PPP3CB: variants seen among roughly 807,000 people sequenced by gnomAD.
The protein encoded by PPP3CB is protein phosphatase 3 catalytic subunit beta.
Under a neutral mutation model 66.4 loss-of-function variants are expected in PPP3CB, and 8 were observed. That is an observed-to-expected ratio of 0.12 (90% CI 0.07 to 0.22). PPP3CB has a LOEUF of 0.22. PPP3CB is among the 10% of genes least tolerant of loss of function. The pLI, the probability that PPP3CB is intolerant of heterozygous loss-of-function variation, is 1.00. For synonymous variants in PPP3CB, 208 were observed against 221.2 expected, an observed-to-expected ratio of 0.94 and a Z score of 0.53; for missense variants, 319 against 642.5, an observed-to-expected ratio of 0.50 and a Z score of 5.44.
At chr10:73,468,405 G>A (rs1334483735) in intron 8 of PPP3CB, among the ~76,000 whole-genome samples, 1 of 152,114 alleles carries the variant, frequency 6.6e-6, no homozygotes, top group Admixed American at 6.5e-5. Context: ...TTATATTACT[G>A]TATAGAACAC....
chr10:73,475,414 G>A (rs2056770266), intron 3 of PPP3CB, among the ~76,000 whole-genome samples: 1 of 152,172 alleles, frequency 6.6e-6, no homozygotes, highest in Non-Finnish European at 1.5e-5. Flanking sequence ...AATATGTGAA[G>A]CACTATATAA....
At chr10:73,480,566 T>G (rs1390941260) in intron 1 of PPP3CB, among the ~76,000 whole-genome samples, 2 of 150,806 alleles carry the variant, frequency 1.3e-5, no homozygotes, top group Admixed American at 6.7e-5. Flanking sequence ...TGCCTCAGCC[T>G]CCCGAGTAGC....
At chr10:73,452,074 T>A (rs536209428) in intron 10 of PPP3CB, among the ~76,000 whole-genome samples, 2 of 150,520 alleles carry the variant, frequency 1.3e-5, no homozygotes, top group African/African-American at 5.0e-5. Context: ...AAAAAAAAAT[T>A]TAAAAAACCT....
At chr10:73,487,835 A>G (rs555965788) in intron 1 of PPP3CB, among the ~76,000 whole-genome samples, 5 of 149,638 alleles carry the variant, frequency 3.3e-5, no homozygotes, top group Admixed American at 1.3e-4. Flanking sequence ...GTTGGAGTGC[A>G]ATGGTGAGAT....
chr10:73,475,211 C>T (rs995013167), intron 3 of PPP3CB, among the ~76,000 whole-genome samples, 181 bp from the exon 4 acceptor site: 2 of 152,180 alleles, frequency 1.3e-5, no homozygotes, highest in African/African-American at 4.8e-5. Context: ...TGATTCTCCA[C>T]TCCCAGAAGA....
chr10:73,470,927 A>G lies in PPP3CB; in HGVS notation c.847T>C (p.Leu283=). The change falls in exon 7 of 14, where the codon TTG becomes CTG. Residue 283 remains leucine (L), a synonymous_variant. Transcript: ENST00000360663. ...TCATGAGCTCTAATAATCGATAACA[A>G]ATTATTGTTTTGCAAAAATTCACAC... ...AVCEFLQNNN[L]LSIIRAHEAQ... is the part of the protein sequence containing the mutation. 6.2e-7 allele frequency: 1 copy of G among 1,613,554 alleles called. No individual in the cohort carries two copies. The highest frequency in any genetic ancestry group is 8.5e-7 in the Non-Finnish European group (1 of 1,179,708).
At chr10:73,471,841 G>A (rs1589704986) in intron 4 of PPP3CB, among the ~76,000 whole-genome samples, 1 of 152,286 alleles carries the variant, frequency 6.6e-6, no homozygotes, top group Middle Eastern at 3.4e-3. Flanking sequence ...GTGGTGGCCA[G>A]GGCTTCAGAG....
intron 13 of PPP3CB, 120 bp downstream of exon 13, chr10:73,439,752 T>A: frequency 9.2e-7 from 1 of 1,089,538 alleles, no homozygotes; most frequent in Admixed American, 2.2e-5. Flanking sequence ...ACTTGATGAA[T>A]CAGTGAGTCT....
At chr10:73,476,389 G>A (rs1007811849) in intron 3 of PPP3CB, among the ~76,000 whole-genome samples, 3 of 152,156 alleles carry the variant, frequency 2.0e-5, no homozygotes, top group East Asian at 3.8e-4. Context: ...GGCCGAGGCA[G>A]GCAGATCACC....
intron 8 of PPP3CB, among the ~76,000 whole-genome samples, chr10:73,468,741 A>G (rs1372368477): frequency 1.3e-5 from 2 of 152,216 alleles, no homozygotes; most frequent in Non-Finnish European, 2.9e-5. Context: ...TACTAACTTA[A>G]TAAGTATATG....
rs546930537 is a variant in PPP3CB at position 73,446,526 on chromosome 10, T to A, written c.1234A>T (p.Ile412Phe). The change falls in exon 11 of 14, where the codon ATT becomes TTT. Residue 412 changes from isoleucine (I) to phenylalanine (F), a missense_variant. Coordinates refer to ENST00000360663, the MANE Select transcript of PPP3CB (RefSeq NM_021132.4). The part of the protein sequence containing the change: ...KEIIRNKIRA[I>F]GKMARVFSVL... The stretch of plus-strand genomic sequence containing the variant: ...GAGAAGACTCTTGCCATCTTGCCAA[T>A]TGCTCGAATTTTGTTTCTTATGATT... 6.2e-7 allele frequency: 1 copy of A among 1,613,738 alleles called. No individual in the cohort carries two copies. Among genetic ancestry groups the A allele is most frequent in the East Asian group, 2.2e-5 (1 of 44,888 alleles).
At chr10:73,445,818 A>C (rs1333319525) in intron 11 of PPP3CB, among the ~76,000 whole-genome samples, 1 of 148,840 alleles carries the variant, frequency 6.7e-6, no homozygotes, top group Non-Finnish European at 1.5e-5. Flanking sequence ...GCGTCATCTC[A>C]GATCACTGCA....
intron 10 of PPP3CB, among the ~76,000 whole-genome samples, chr10:73,447,921 A>C (rs1347089227): frequency 3.3e-5 from 5 of 151,702 alleles, no homozygotes; most frequent in Admixed American, 2.0e-4. Flanking sequence ...AAAAACCCCC[A>C]AAAACTAAAA....
At chr10:73,473,063 G>C (rs1427378529) in intron 4 of PPP3CB, among the ~76,000 whole-genome samples, 1 of 152,150 alleles carries the variant, frequency 6.6e-6, no homozygotes, top group African/African-American at 2.4e-5. Flanking sequence ...CTGGCAGTCT[G>C]CTAACGACTC....
At chr10:73,470,558 A>T in intron 8 of PPP3CB, 129 bp downstream of exon 8, 2 of 571,576 alleles carry the variant, frequency 3.5e-6, no homozygotes, top group Non-Finnish European at 6.0e-6. Context: ...TCTCCCCTCC[A>T]TCTTACAGTT....
In PPP3CB at chr10:73,478,557, G is replaced by A. The variant is rs2056826500; in HGVS notation, c.353C>T (p.Ala118Val). 1 of 1,609,164 alleles carries A rather than the reference G, an allele frequency of 6.2e-7. No homozygotes were observed. The highest frequency in any genetic ancestry group is 2.2e-5 in the East Asian group (1 of 44,784). The stretch of plus-strand genomic sequence containing the variant: ...GCCAAGAAAAAGGTATCGTGTATTA[G>A]CAGGTGATCCTCCTACTTCAAAAAG... ...MKLFEVGGSP[A>V]NTRYLFLGDY... The change falls in exon 3 of 14, where the codon GCT (alanine) becomes GTT (valine). Residue 118 changes from alanine (A) to valine (V), a missense_variant. Physicochemically the swap from Ala to Val is moderately conservative, Grantham distance 64 (BLOSUM62 0). Coordinates refer to ENST00000360663, the MANE Select transcript of PPP3CB (RefSeq NM_021132.4).
chr10:73,455,034 A>G (rs1428823997), intron 9 of PPP3CB, among the ~76,000 whole-genome samples: 1 of 151,604 alleles, frequency 6.6e-6, no homozygotes, highest in African/African-American at 2.4e-5. Context: ...CGTCATGCCC[A>G]GCTAATTTTT....
In PPP3CB at chr10:73,437,922, G is replaced by T; in HGVS notation, c.*320C>A. 1 of 231,394 alleles carries T rather than the reference G, an allele frequency of 4.3e-6. No homozygotes were observed. Among genetic ancestry groups the T allele is most frequent in the Non-Finnish European group, 8.3e-6 (1 of 120,744 alleles). The allele number at this position is 231,394 out of a possible 1,614,324, so 14.3% of individuals were successfully genotyped here. ...AAAAACAAAATCTAATTCTACTGAAGGGGAAAAGAAATCTGATTTGTAAAC... is the reference window on the plus strand; with the variant it reads ...AAAAACAAAATCTAATTCTACTGAATGGGAAAAGAAATCTGATTTGTAAAC... On this transcript the variant is annotated 3_prime_UTR_variant, in exon 14 of 14. Transcript: ENST00000360663.
Position 73,491,032 on chromosome 10 carries a change from T to G in PPP3CB, c.85+4773A>C, listed in dbSNP as rs1164247679. ...TTGTTTGTTTTTATTGTTTTTTTTT[T>G]TTTTTTTTTTTTTTTTTTTTGACAG... On this transcript the variant is annotated intron_variant, in intron 1 of 13. Coordinates refer to ENST00000360663, the MANE Select transcript of PPP3CB (RefSeq NM_021132.4). 3.7e-4 allele frequency among the ~76,000 whole-genome samples: 44 copies of G among 118,240 alleles called. 1 individual carries two copies. Among genetic ancestry groups the G allele is most frequent in the Middle Eastern group, 3.9e-3 (1 of 258 alleles). 77.6% of individuals were successfully genotyped at this position (118,240 alleles called of 152,430 possible).
Sources: gnomAD v4.1 joint callset for allele counts (sites outside exome capture counted in the v4.1 genomes callset) on GRCh38, gnomAD v4.1.1 for gene constraint, MANE v1.5 for transcripts, NCBI Gene and HGNC (gene_info 2026-07-23, HGNC 2026-07-21) for gene names.